The following PTPRS variants were observed in gnomAD, a reference collection of about 807,000 sequenced individuals.
PTPRS encodes protein tyrosine phosphatase receptor type S.
In PTPRS, 63 loss-of-function variants were observed where a neutral mutation model predicts 215.3. The ratio of observed to expected loss-of-function variants is 0.29; its 90% CI spans 0.24 to 0.36. The LOEUF (loss-of-function observed/expected upper bound fraction) is 0.36, where lower values mean the gene tolerates loss of function less well. PTPRS is among the 10% of genes least tolerant of loss of function. The pLI, the probability that PTPRS is intolerant of heterozygous loss-of-function variation, is 1.00. For missense variants in PTPRS, 2,258 were observed against 2,825.8 expected, an observed-to-expected ratio of 0.80 and a Z score of 4.56; for synonymous variants, 1,404 against 1,191.4, an observed-to-expected ratio of 1.18 and a Z score of -3.68.
chr19:5,243,050 C>T (rs2044176360), intron 11 of PTPRS, among the ~76,000 whole-genome samples: 1 of 151,664 alleles, frequency 6.6e-6, no homozygotes, highest in Non-Finnish European at 1.5e-5. Context: ...AACTCCTGGG[C>T]TTAAGCCATC....
intron 1 of PTPRS, among the ~76,000 whole-genome samples, chr19:5,311,530 G>C (rs927089733): frequency 6.6e-6 from 1 of 152,146 alleles, no homozygotes; most frequent in Non-Finnish European, 1.5e-5. Flanking sequence ...AGCTTTCCTT[G>C]GGGTCTGAAG....
intron 1 of PTPRS, among the ~76,000 whole-genome samples, chr19:5,315,361 T>TC (rs2049840270): frequency 2.0e-5 from 2 of 99,020 alleles, no homozygotes; most frequent in African/African-American, 1.0e-4. Context: ...GTTTTTTTTT[T>TC]TTTTTTTTTT....
intron 1 of PTPRS, among the ~76,000 whole-genome samples, chr19:5,332,010 A>T (rs1017153263): frequency 2.6e-5 from 4 of 152,044 alleles, no homozygotes; most frequent in Non-Finnish European, 5.9e-5. Flanking sequence ...ACGGCAATGG[A>T]GGTGTCAGAA....
At position 5,293,987 on chromosome 19, in the gene PTPRS, G is replaced by A. The variant is rs947853327; in HGVS notation, c.-94-7753C>T. On this transcript the variant is annotated intron_variant, in intron 1 of 37. Coordinates refer to ENST00000262963, the MANE Select transcript of PTPRS (RefSeq NM_002850.4). The surrounding 1 kb of genome is among the most constrained non-coding windows in gnomAD (Gnocchi z 8.4). Reference sequence around the variant, plus strand: ...GGCGGCCAATCCGAGCCAGCGTTGCGCCCGGGGTGCGGGTTTGAAAACTCC... The same window carrying A: ...GGCGGCCAATCCGAGCCAGCGTTGCACCCGGGGTGCGGGTTTGAAAACTCC... Among the ~76,000 whole-genome samples the A allele has an allele frequency of 1.1e-4, 16 of 152,310 alleles. No individual in the cohort carries two copies. Among genetic ancestry groups the A allele is most frequent in the Non-Finnish European group, 5.9e-5 (4 of 68,024 alleles).
Position 5,206,600 on chromosome 19 carries a change from G to A in PTPRS, c.*174C>T. On this transcript the variant is annotated 3_prime_UTR_variant, in exon 38 of 38. Coordinates refer to ENST00000262963, the MANE Select transcript of PTPRS (RefSeq NM_002850.4). ...CCAGGGAGGTCGCTGGGGCGGCCGG[G>A]GCCGGTGGGGGGGCTCGAGGGGCTG... 7.0e-6 allele frequency: 4 copies of A among 567,514 alleles called. No individual in the cohort carries two copies. In the South Asian group the frequency reaches 8.5e-5, roughly 12 times the overall value. The allele number at this position is 567,514 out of a possible 1,614,324, so 35.2% of individuals were successfully genotyped here.
At chr19:5,288,089 C>T (rs912101709) in intron 1 of PTPRS, among the ~76,000 whole-genome samples, 4 of 151,168 alleles carry the variant, frequency 2.6e-5, no homozygotes, top group South Asian at 2.1e-4. Context: ...ATACACCAAG[C>T]CAGAAAAGAT....
At chr19:5,248,082 T>A (rs945910814) in intron 9 of PTPRS, among the ~76,000 whole-genome samples, 4 of 11,880 alleles carry the variant, frequency 3.4e-4, no homozygotes, top group Non-Finnish European at 3.3e-4. Flanking sequence ...AGGGTGGGGG[T>A]GTGGGGGGAG....
At chr19:5,280,578 A>G (rs891409681) in intron 2 of PTPRS, among the ~76,000 whole-genome samples, 1 of 151,474 alleles carries the variant, frequency 6.6e-6, no homozygotes, top group African/African-American at 2.4e-5. Context: ...AAAATCAGCC[A>G]GGCGTGGTGG....
At position 5,245,846 on chromosome 19, in the gene PTPRS, C is replaced by T. The variant is rs2044434453; in HGVS notation, c.918G>A (p.Ser306=). 4.3e-6 allele frequency: 7 copies of T among 1,613,696 alleles called. No individual in the cohort carries two copies. The highest frequency in any genetic ancestry group is 1.1e-5 in the South Asian group (1 of 90,990). ...NVLELTDVKD[S]ANYTCVAMSS... is the part of the protein sequence containing the mutation. ...ACATGGCCACGCAGGTGTAGTTGGC[C>T]GAGTCCTTGACATCTGTGAGTTCCA... The change falls in exon 10 of 38, where the codon TCG becomes TCA. Residue 306 remains serine, a synonymous_variant. Transcript: ENST00000262963.
At chr19:5,246,645 C>T (rs1462117662) in intron 9 of PTPRS, among the ~76,000 whole-genome samples, 1 of 152,168 alleles carries the variant, frequency 6.6e-6, no homozygotes, top group Non-Finnish European at 1.5e-5. Context: ...GGTCATAGGA[C>T]ACTTGTTGAG....
Position 5,229,302 on chromosome 19 carries a change from G to C in PTPRS, c.2376+14C>G. On this transcript the variant is annotated intron_variant, in intron 16 of 37. Coordinates refer to ENST00000262963, the MANE Select transcript of PTPRS (RefSeq NM_002850.4). Reference sequence around the variant, plus strand: ...GCGCACAGCAGTAGGTGGGTGGCCAGGGGCGCTACTTACATATTCGGCCGT... The same window carrying C: ...GCGCACAGCAGTAGGTGGGTGGCCACGGGCGCTACTTACATATTCGGCCGT... The C allele has an allele frequency of 7.2e-7, 1 of 1,381,886 alleles. No homozygotes were observed. The highest frequency in any genetic ancestry group is 9.4e-7 in the Non-Finnish European group (1 of 1,063,162). 85.6% of individuals were successfully genotyped at this position (1,381,886 alleles called of 1,614,324 possible).
chr19:5,214,667 G>A lies in PTPRS; in HGVS notation c.4388C>T (p.Ala1463Val). The change falls in exon 29 of 38, where the codon GCC becomes GTC. Residue 1463 changes from alanine (A) to valine (V), a missense_variant. Ala to Val is a moderately conservative substitution (Grantham distance 64). This residue lies in a region of PTPRS where 927 missense variants were observed against 1,125.9 expected (regional missense o/e 0.82). Coordinates refer to ENST00000262963, the MANE Select transcript of PTPRS (RefSeq NM_002850.4). ...GGTCTCAGGCAGCGGCCCCTGCGTG[G>A]CAATGTACGCGTTCTGACACCGGTA... Reference protein sequence around the residue: ...DGYRCQNAYIATQGPLPETFG... With the variant: ...DGYRCQNAYIVTQGPLPETFG... 6.2e-7 allele frequency: 1 copy of A among 1,613,128 alleles called. No individual in the cohort carries two copies.
Position 5,210,828 on chromosome 19 carries a change from C to T in PTPRS, c.5235-23G>A, listed in dbSNP as rs775614453. 1.2e-6 allele frequency: 2 copies of T among 1,609,662 alleles called. No individual in the cohort carries two copies. Among genetic ancestry groups the T allele is most frequent in the Admixed American group, 1.7e-5 (1 of 59,916 alleles). On this transcript the variant is annotated intron_variant, in intron 33 of 37. Transcript: ENST00000262963. The surrounding 1 kb of genome is among the most constrained non-coding windows in gnomAD (Gnocchi z 4.5). ...TGCCTGCAGGCGTTGGGGGTATGAG[C>T]CCAGGGCCGGCAGGGAGACCCGGCG...
rs145236408 is a variant in PTPRS at position 5,331,366 on chromosome 19, C to T, written c.-95+9298G>A. Among the ~76,000 whole-genome samples, 1,394 of 152,184 alleles carry T rather than the reference C, an allele frequency of 9.2e-3. 9 individuals carry two copies. The highest frequency in any genetic ancestry group is 0.014 in the Non-Finnish European group (920 of 68,000). ...CAGTCTGATCTTGAACTCCTAGGCT[C>T]AAGCAATCCTCCCGCTTTAACCTCC... On this transcript the variant is annotated intron_variant, in intron 1 of 37. Coordinates refer to ENST00000262963, the MANE Select transcript of PTPRS (RefSeq NM_002850.4).
chr19:5,222,724 G>C lies in PTPRS; in HGVS notation c.3068C>G (p.Pro1023Arg), dbSNP rs1303233646. 1 of 1,596,010 alleles carries C rather than the reference G, an allele frequency of 6.3e-7. No homozygotes were observed. Among genetic ancestry groups the C allele is most frequent in the Non-Finnish European group, 8.5e-7 (1 of 1,177,184 alleles). The stretch of plus-strand genomic sequence containing the variant: ...CAGGAACGTCCGGTAGCGGACGGGG[G>C]GGCTGAAGGGGCCAGGGCCCCGGCG... Reference protein sequence around the residue: ...HTRRGPGPFSPPVRYRTFLRD... With the variant: ...HTRRGPGPFSRPVRYRTFLRD... The change falls in exon 18 of 38, where the codon CCC becomes CGC. Residue 1023 changes from proline (P) to arginine (R), a missense_variant. Around this residue, in one of 6 missense-constraint regions of PTPRS, gnomAD observed 361 missense variants for 332.6 expected, o/e 1.09. Coordinates refer to ENST00000262963, the MANE Select transcript of PTPRS (RefSeq NM_002850.4).
Position 5,257,370 on chromosome 19 carries a change from G to GC in PTPRS, c.706+646dup. 4.4e-6 allele frequency: 2 copies of GC among 453,280 alleles called. No homozygotes were observed. Among genetic ancestry groups the GC allele is most frequent in the Non-Finnish European group, 8.9e-6 (2 of 224,872 alleles). 28.1% of individuals were successfully genotyped at this position (453,280 alleles called of 1,614,324 possible). A position where few individuals can be genotyped will look rare whatever the true frequency, so the allele number is the denominator to read the frequency against. Reference sequence around the variant, plus strand: ...TGCCCCAGCTCGGTGCAACTACCGAGCCCCCCGGGTGCCTGTGCCCGCTGT... The same window carrying GC: ...TGCCCCAGCTCGGTGCAACTACCGAGCCCCCCCGGGTGCCTGTGCCCGCTGT... On this transcript the variant is annotated intron_variant, in intron 8 of 37. Transcript: ENST00000262963. This position sits in a 1 kb window ranked among gnomAD's most constrained non-coding sequence, Gnocchi z 4.4.
chr19:5,230,518 G>A (rs1360847687), intron 14 of PTPRS, among the ~76,000 whole-genome samples: 1 of 152,156 alleles, frequency 6.6e-6, no homozygotes, highest in African/African-American at 2.4e-5. Context: ...GAGTGCAGGG[G>A]TATGATCACA....
At chr19:5,320,016 G>A (rs772337069) in intron 1 of PTPRS, among the ~76,000 whole-genome samples, 2 of 152,166 alleles carry the variant, frequency 1.3e-5, no homozygotes, top group Non-Finnish European at 2.9e-5. Context: ...CACAGAGCCT[G>A]GTGGACAGGA....
Position 5,293,578 on chromosome 19 carries a change from A to G in PTPRS, c.-94-7344T>C, listed in dbSNP as rs1460667643. 6.6e-6 allele frequency among the ~76,000 whole-genome samples: 1 copy of G among 152,172 alleles called. No individual in the cohort carries two copies. Among genetic ancestry groups the G allele is most frequent in the Non-Finnish European group, 1.5e-5 (1 of 68,022 alleles). On this transcript the variant is annotated intron_variant, in intron 1 of 37. Coordinates refer to ENST00000262963, the MANE Select transcript of PTPRS (RefSeq NM_002850.4). This position sits in a 1 kb window ranked among gnomAD's most constrained non-coding sequence, Gnocchi z 8.4. ...CCCCAGCTCTGATCGTAGCCATGGC[A>G]ACGCATGAGGAGGCTGGATGCCGGA...
Sources: allele counts gnomAD v4.1 joint callset (sites outside exome capture counted in the v4.1 genomes callset), GRCh38; gene constraint gnomAD v4.1.1; regional missense constraint gnomAD v4.1.1; non-coding constraint Gnocchi (gnomAD v3.1); transcripts MANE v1.5; gene names NCBI Gene and HGNC (gene_info 2026-07-23, HGNC 2026-07-21).